EIF5B: variants seen among roughly 807,000 people sequenced by gnomAD.
The protein encoded by EIF5B is eIF-5B.
A neutral mutation model predicts 147.5 loss-of-function variants in EIF5B; 47 were observed. The ratio of observed to expected loss-of-function variants is 0.32; its 90% CI spans 0.25 to 0.41. The LOEUF is 0.41. Ranked by LOEUF, EIF5B falls within the 10% of genes least tolerant of loss-of-function variation. EIF5B has a pLI of 1.00. For missense variants in EIF5B, 1,064 were observed against 1,413.2 expected (o/e 0.75, Z 3.96); for synonymous variants, 455 against 456.2 (o/e 1.00, Z 0.03).
chr2:99,375,457 C>CTTT (rs2104214536), intron 9 of EIF5B, among the ~76,000 whole-genome samples: 1 of 152,296 alleles, frequency 6.6e-6, no homozygotes, highest in Non-Finnish European at 1.5e-5. Context: ...TAGGGTACAG[C>CTTT]TCTTCATGAT....
chr2:99,398,541 AT>A, intron 22 of EIF5B: 1 of 469,494 alleles, frequency 2.1e-6, no homozygotes, highest in Non-Finnish European at 3.8e-6. Flanking sequence ...ATCTCCTGTC[AT>A]TCTTACAACC....
chr2:99,390,441 T>G, intron 16 of EIF5B, 40 bp downstream of exon 16: 1 of 1,554,010 alleles, frequency 6.4e-7, no homozygotes, highest in Non-Finnish European at 8.7e-7. Context: ...TTTTTTTTTT[T>G]AAAAATAGCA....
chr2:99,354,148 C>T (rs1319717392), intron 1 of EIF5B, among the ~76,000 whole-genome samples: 1 of 152,162 alleles, frequency 6.6e-6, no homozygotes, highest in Non-Finnish European at 1.5e-5. Context: ...ATATTTCTAC[C>T]AGCAGTGTAT....
In EIF5B at chr2:99,378,162, T is replaced by C. The variant is rs149856085; in HGVS notation, c.1843-857T>C. Among the ~76,000 whole-genome samples the C allele has an allele frequency of 6.3e-3, 954 of 152,332 alleles. 2 individuals carry two copies. Among genetic ancestry groups the C allele is most frequent in the Admixed American group, 0.011 (163 of 15,306 alleles). On this transcript the variant is annotated intron_variant, in intron 10 of 23. Coordinates refer to ENST00000289371, the MANE Select transcript of EIF5B (RefSeq NM_015904.4). ...TAAAAAGTTTTTCAGTTTCAGTTTC[T>C]ACCAAAAAATCTAATGTCTAGTACT... is the stretch of plus-strand genomic sequence containing the variant.
At chr2:99,365,042 T>C (rs1476856218) in intron 6 of EIF5B, among the ~76,000 whole-genome samples, 1 of 152,170 alleles carries the variant, frequency 6.6e-6, no homozygotes, top group Non-Finnish European at 1.5e-5. Context: ...TTATTACTTT[T>C]TTGAAAGGTA....
At position 99,360,528 on chromosome 2, in the gene EIF5B, C is replaced by G; in HGVS notation, c.225C>G (p.Asp75Glu). Residue 75 changes from aspartate to glutamate, a missense_variant, in exon 3 of 24, where the codon GAC (aspartate) becomes GAG (glutamate). By Grantham distance (45) the Asp-to-Glu change is conservative. This residue lies in a region of EIF5B where 458 missense variants were observed against 451.3 expected (regional missense o/e 1.01). Transcript: ENST00000289371. ...TGGAAGCTCAAGGCATCAAAGCTGA[C>G]AGAGAAACTGTTGCAGTGAAGGTGA... Reference protein sequence around the residue: ...LSLEAQGIKADRETVAVKPTE... With the variant: ...LSLEAQGIKAERETVAVKPTE... 1 of 1,613,508 alleles carries G rather than the reference C, an allele frequency of 6.2e-7. No homozygotes were observed. The highest frequency in any genetic ancestry group is 8.5e-7 in the Non-Finnish European group (1 of 1,179,786).
At chr2:99,389,389 T>C (rs1054240877) in intron 14 of EIF5B, among the ~76,000 whole-genome samples, 9 of 152,220 alleles carry the variant, frequency 5.9e-5, no homozygotes, top group African/African-American at 7.2e-5. Context: ...TGGGATTGAT[T>C]GATTTGTTAC....
At chr2:99,381,875 C>T (rs1375837167) in intron 12 of EIF5B, among the ~76,000 whole-genome samples, 1 of 152,112 alleles carries the variant, frequency 6.6e-6, no homozygotes, top group Admixed American at 6.5e-5. Context: ...CGATTCGTAT[C>T]ACCACTTACT....
chr2:99,393,192 T>C (rs1328379519), intron 18 of EIF5B, 94 bp downstream of exon 18: 11 of 1,197,962 alleles, frequency 9.2e-6, no homozygotes, highest in Non-Finnish European at 1.2e-5. Flanking sequence ...CAAAACTGGC[T>C]TTGTCTTTGT....
intron 13 of EIF5B, 123 bp downstream of exon 13, chr2:99,382,349 G>T (rs1674708009): frequency 1.4e-6 from 1 of 702,692 alleles, no homozygotes; most frequent in Non-Finnish European, 2.4e-6. Context: ...CTCCACCTTT[G>T]TACCTCATTG....
intron 9 of EIF5B, among the ~76,000 whole-genome samples, chr2:99,375,196 T>C (rs752895479): frequency 3.3e-5 from 5 of 152,244 alleles, no homozygotes; most frequent in Non-Finnish European, 7.3e-5. Context: ...TATATGTTGG[T>C]TCTTCTCACG....
At chr2:99,385,337 G>GC (rs1182036847) in intron 14 of EIF5B, among the ~76,000 whole-genome samples, 1 of 152,150 alleles carries the variant, frequency 6.6e-6, no homozygotes, top group Non-Finnish European at 1.5e-5. Flanking sequence ...GAGCCACTGC[G>GC]CCCAGCCAAT....
chr2:99,341,384 A>C (rs2094259162), intron 1 of EIF5B, among the ~76,000 whole-genome samples: 1 of 152,216 alleles, frequency 6.6e-6, no homozygotes, highest in South Asian at 2.1e-4. Flanking sequence ...ATAAATTAAT[A>C]AGAAAACAGA....
chr2:99,351,682 A>G (rs1165591497), intron 1 of EIF5B, among the ~76,000 whole-genome samples: 1 of 147,552 alleles, frequency 6.8e-6, no homozygotes, highest in African/African-American at 2.5e-5. Flanking sequence ...GTGACATATC[A>G]TTGTGTTTTT....
intron 12 of EIF5B, among the ~76,000 whole-genome samples, chr2:99,380,550 T>A (rs1191777835): frequency 6.6e-6 from 1 of 152,216 alleles, no homozygotes; most frequent in Non-Finnish European, 1.5e-5. Flanking sequence ...CCGGCTCATG[T>A]AATATAGAAA....
At chr2:99,359,852 A>C (rs542135864) in intron 1 of EIF5B, among the ~76,000 whole-genome samples, 121 of 152,316 alleles carry the variant, frequency 7.9e-4, no homozygotes, top group Non-Finnish European at 1.4e-3. Flanking sequence ...CAGGGATCCA[A>C]ATATTTAGGT....
At chr2:99,393,474 C>G (rs912677462) in intron 18 of EIF5B, among the ~76,000 whole-genome samples, 2 of 151,816 alleles carry the variant, frequency 1.3e-5, no homozygotes, top group Non-Finnish European at 2.9e-5. Context: ...CCACTGCACT[C>G]CAACCTGGGT....
chr2:99,387,531 C>G (rs2104241515), intron 14 of EIF5B, among the ~76,000 whole-genome samples: 1 of 152,242 alleles, frequency 6.6e-6, no homozygotes, highest in South Asian at 2.1e-4. Context: ...ATTCCTATGC[C>G]ACTACTACCC....
At chr2:99,386,952 C>G (rs1674821492) in intron 14 of EIF5B, among the ~76,000 whole-genome samples, 1 of 152,208 alleles carries the variant, frequency 6.6e-6, no homozygotes, top group South Asian at 2.1e-4. Context: ...GCTCTGTCAC[C>G]CAGGCTGGAG....
Sources: gnomAD v4.1 joint callset for allele counts (sites outside exome capture counted in the v4.1 genomes callset) on GRCh38, gnomAD v4.1.1 for gene constraint, gnomAD v4.1.1 regional missense constraint, MANE v1.5 for transcripts, NCBI Gene and HGNC (gene_info 2026-07-23, HGNC 2026-07-21) for gene names.